KIAA1217: variants seen among roughly 807,000 people sequenced by gnomAD.
KIAA1217 encodes the protein KIAA1217.
Under a neutral mutation model 163.9 loss-of-function variants are expected in KIAA1217, and 88 were observed. The observed-to-expected ratio is 0.54, with a 90% CI of 0.45 to 0.64. The LOEUF (loss-of-function observed/expected upper bound fraction) is 0.64. Among genes scored for constraint, KIAA1217 ranks in the 30% least tolerant of loss-of-function variants. KIAA1217 has a pLI of 0.00. For synonymous variants in KIAA1217, 903 were observed against 923.1 expected (o/e 0.98, Z 0.39); for missense variants, 2,372 against 2,475.0 (o/e 0.96, Z 0.88).
rs1025990847 is a variant in KIAA1217 at position 23,906,455 on chromosome 10, A to G, written c.-320-100770A>G. Among the ~76,000 whole-genome samples the G allele has an allele frequency of 3.3e-5, 5 of 152,282 alleles. No individual in the cohort carries two copies. The South Asian group carries it at 8.3e-4, about 25-fold the overall frequency. ...AAGAAATTTTATTTTGTAGATGGTC[A>G]GGGTTTTTTATTGTTATGTGTGTAA... On this transcript the variant is annotated intron_variant, in intron 1 of 18. Transcript: ENST00000376462.
Position 24,543,480 on chromosome 10 carries a change from G to T in KIAA1217, c.4210G>T (p.Val1404Phe). 6.2e-7 allele frequency: 1 copy of T among 1,614,118 alleles called. No homozygotes were observed. Among genetic ancestry groups the T allele is most frequent in the Non-Finnish European group, 8.5e-7 (1 of 1,180,006 alleles). The part of the protein sequence containing the change: ...VLSSGEVHDI[V>F]SQKGEDIQTV... ...TTCCAGTGGGGAGGTGCATGATATTGTTAGCCAAAAGGGAGAAGACATACA... is the reference window on the plus strand; with the variant it reads ...TTCCAGTGGGGAGGTGCATGATATTTTTAGCCAAAAGGGAGAAGACATACA... The change falls in exon 19 of 21, where the codon GTT (valine) becomes TTT (phenylalanine). Residue 1404 changes from valine (V) to phenylalanine (F), a missense_variant. By Grantham distance (50) the Val-to-Phe change is conservative. This residue lies in a region of KIAA1217 where 690 missense variants were observed against 677.5 expected (regional missense o/e 1.02). Coordinates refer to ENST00000376454, the MANE Select transcript of KIAA1217 (RefSeq NM_019590.5).
intron 2 of KIAA1217, among the ~76,000 whole-genome samples, chr10:24,297,248 C>T (rs1356948817): frequency 4.6e-5 from 7 of 152,168 alleles, no homozygotes; most frequent in Non-Finnish European, 7.3e-5. Flanking sequence ...GCAGCAGGGC[C>T]ATGTTCTGTT....
At chr10:24,119,272 G>A (rs1424621981) in intron 2 of KIAA1217, among the ~76,000 whole-genome samples, 5 of 152,136 alleles carry the variant, frequency 3.3e-5, no homozygotes, top group African/African-American at 1.2e-4. Flanking sequence ...CTTCTGAAAA[G>A]AGCATTGTTG....
At chr10:23,970,612 A>G (rs139128594) in intron 1 of KIAA1217, among the ~76,000 whole-genome samples, 167 of 152,344 alleles carry the variant, frequency 1.1e-3, no homozygotes, top group African/African-American at 3.8e-3. Flanking sequence ...TGTCTACTTG[A>G]AAAGTGCTAA....
At chr10:24,076,061 G>T (rs914289001) in intron 2 of KIAA1217, among the ~76,000 whole-genome samples, 6 of 152,120 alleles carry the variant, frequency 3.9e-5, no homozygotes, top group African/African-American at 2.4e-5. Context: ...TCACTTGGGG[G>T]GAGTAGGGCC....
At position 24,171,297 on chromosome 10, in the gene KIAA1217, C is replaced by T. The variant is rs547210536; in HGVS notation, c.-170-48329C>T. Among the ~76,000 whole-genome samples, 67 of 152,204 alleles carry T rather than the reference C, an allele frequency of 4.4e-4. 1 individual carries two copies. The highest frequency in any genetic ancestry group is 1.6e-3 in the African/African-American group (66 of 41,548). On this transcript the variant is annotated intron_variant, in intron 2 of 18. Coordinates refer to the KIAA1217 transcript ENST00000376462. Reference sequence around the variant, plus strand: ...CTCTGATAAGAAAAGCAACAGGAAACATTTTTATTGAAAAACTCTCATAAA... The same window carrying T: ...CTCTGATAAGAAAAGCAACAGGAAATATTTTTATTGAAAAACTCTCATAAA...
chr10:24,391,439 G>A (rs187794340), intron 3 of KIAA1217, among the ~76,000 whole-genome samples: 93 of 148,968 alleles, frequency 6.2e-4, no homozygotes, highest in African/African-American at 2.0e-3. Context: ...TCCACCTCTG[G>A]GGTTCAGCAA....
chr10:24,407,386 T>C (rs2057338730), intron 3 of KIAA1217, among the ~76,000 whole-genome samples: 1 of 152,118 alleles, frequency 6.6e-6, no homozygotes, highest in Non-Finnish European at 1.5e-5. Context: ...TTCAAAATCC[T>C]GGGTTCAAGC....
intron 20 of KIAA1217, chr10:24,545,405 G>A (rs1043192464): frequency 4.9e-5 from 64 of 1,309,096 alleles, no homozygotes; most frequent in South Asian, 7.9e-5. Flanking sequence ...TGAACACCTC[G>A]GGAAGCAGAG....
chr10:23,901,642 C>T (rs1841958650), intron 1 of KIAA1217, among the ~76,000 whole-genome samples: 1 of 152,080 alleles, frequency 6.6e-6, no homozygotes, highest in African/African-American at 2.4e-5. Flanking sequence ...GGCATGGCGG[C>T]TCATTCTTGT....
At chr10:23,696,714 GT>G (rs1376852264) in intron 1 of KIAA1217, among the ~76,000 whole-genome samples, 2 of 152,162 alleles carry the variant, frequency 1.3e-5, no homozygotes, top group Non-Finnish European at 2.9e-5. Context: ...GTGCTACCTG[GT>G]TTTAACCACA....
In KIAA1217 at chr10:24,173,310, AC is replaced by A. The variant is rs1190939871; in HGVS notation, c.-170-46315del. Among the ~76,000 whole-genome samples the A allele has an allele frequency of 2.6e-5, 4 of 152,292 alleles. No homozygotes were observed. The East Asian group carries it at 7.7e-4, about 29-fold the overall frequency. ...TCAGTAAAACAAGCTCAGGGCTCCCACTGATTCTACGTGATGGTGAGTTGTA... is the reference window on the plus strand; with the variant it reads ...TCAGTAAAACAAGCTCAGGGCTCCCATGATTCTACGTGATGGTGAGTTGTA... On this transcript the variant is annotated intron_variant, in intron 2 of 18. Coordinates refer to the KIAA1217 transcript ENST00000376462.
At chr10:23,734,461 G>C (rs139481777) in intron 1 of KIAA1217, among the ~76,000 whole-genome samples, 22 of 151,554 alleles carry the variant, frequency 1.5e-4, no homozygotes, top group African/African-American at 5.3e-4. Flanking sequence ...TAATTTTTTT[G>C]TATTTTTACT....
At chr10:24,251,038 G>T (rs1450583244) in intron 2 of KIAA1217, among the ~76,000 whole-genome samples, 2 of 151,750 alleles carry the variant, frequency 1.3e-5, no homozygotes, top group Non-Finnish European at 2.9e-5. Context: ...ACCAGCCTGG[G>T]CAACATGATG....
chr10:24,008,999 T>G (rs1343602353), intron 2 of KIAA1217, among the ~76,000 whole-genome samples: 1 of 152,196 alleles, frequency 6.6e-6, no homozygotes, highest in Admixed American at 6.5e-5. Context: ...AGAGTCAACC[T>G]TTTATGGATG....
At chr10:23,720,531 T>C (rs1837820715) in intron 1 of KIAA1217, among the ~76,000 whole-genome samples, 1 of 151,798 alleles carries the variant, frequency 6.6e-6, no homozygotes, top group Admixed American at 6.6e-5. Context: ...TGAACGAGGG[T>C]TTGGGAGTGG....
intron 1 of KIAA1217, among the ~76,000 whole-genome samples, chr10:23,954,368 C>T (rs561019247): frequency 6.6e-6 from 1 of 152,012 alleles, no homozygotes; most frequent in Non-Finnish European, 1.5e-5. Flanking sequence ...AGTTCAAGAC[C>T]AGCCTAGGCA....
chr10:24,290,426 T>C (rs1463102300), intron 2 of KIAA1217, among the ~76,000 whole-genome samples: 3 of 150,178 alleles, frequency 2.0e-5, no homozygotes, highest in Non-Finnish European at 4.4e-5. Flanking sequence ...TAGAAGTCTA[T>C]TGAGATAATG....
At chr10:24,131,163 G>A (rs1438106177) in intron 2 of KIAA1217, among the ~76,000 whole-genome samples, 1 of 152,076 alleles carries the variant, frequency 6.6e-6, no homozygotes, top group Non-Finnish European at 1.5e-5. Flanking sequence ...GAGATCCAAG[G>A]TGGATTTGAA....
Sources: gnomAD v4.1 joint callset for allele counts (sites outside exome capture counted in the v4.1 genomes callset) on GRCh38, gnomAD v4.1.1 for gene constraint, gnomAD v4.1.1 regional missense constraint, MANE v1.5 for transcripts, NCBI Gene and HGNC (gene_info 2026-07-23, HGNC 2026-07-21) for gene names.